PKP4: variants seen among roughly 807,000 people sequenced by gnomAD.
The protein encoded by PKP4 is plakophilin-4.
A neutral mutation model predicts 145.1 loss-of-function variants in PKP4; 90 were observed. The ratio of observed to expected loss-of-function variants is 0.62; its 90% CI spans 0.52 to 0.74. The LOEUF (loss-of-function observed/expected upper bound fraction) is 0.74, where lower values mean the gene tolerates loss of function less well. PKP4 is among the 30% of genes least tolerant of loss of function. The pLI, the probability that PKP4 is intolerant of heterozygous loss-of-function variation, is 0.00. For synonymous variants in PKP4, 563 were observed against 577.2 expected (o/e 0.98, Z 0.35); for missense variants, 1,340 against 1,482.7 (o/e 0.90, Z 1.58).
intron 11 of PKP4, among the ~76,000 whole-genome samples, chr2:158,649,218 C>T (rs1046128177): frequency 2.0e-5 from 3 of 152,044 alleles, no homozygotes; most frequent in Non-Finnish European, 4.4e-5. Context: ...AGATTAGAAA[C>T]CGAAGTCCAG....
At chr2:158,572,599 G>A (rs1360044712) in intron 2 of PKP4, among the ~76,000 whole-genome samples, 1 of 152,222 alleles carries the variant, frequency 6.6e-6, no homozygotes, top group Admixed American at 6.5e-5. Flanking sequence ...GCTAGAACTT[G>A]CCAAAACTAC....
At chr2:158,619,311 T>C (rs1018890601) in intron 4 of PKP4, among the ~76,000 whole-genome samples, 1 of 152,212 alleles carries the variant, frequency 6.6e-6, no homozygotes, top group Non-Finnish European at 1.5e-5. Flanking sequence ...GGAAACCATA[T>C]ACAATCTTTA....
At position 158,496,759 on chromosome 2, in the gene PKP4, C is replaced by CGTGTGTGTGT. The variant is rs58108158; in HGVS notation, c.-5-36394_-5-36385dup. 5.9e-4 allele frequency among the ~76,000 whole-genome samples: 86 copies of CGTGTGTGTGT among 144,956 alleles called. 1 individual carries two copies. Among genetic ancestry groups the CGTGTGTGTGT allele is most frequent in the African/African-American group, 1.9e-3 (76 of 39,508 alleles). On this transcript the variant is annotated intron_variant, in intron 1 of 21. Coordinates refer to ENST00000389759, the MANE Select transcript of PKP4 (RefSeq NM_003628.6). ...CTCACTCTCTCTCGCCTTCTCTCTCCGTGTGTGTGTGTGTGTGTGTGTGTG... is the reference window on the plus strand; with the variant it reads ...CTCACTCTCTCTCGCCTTCTCTCTCCGTGTGTGTGTGTGTGTGTGTGTGTGTGTGTGTGTG...
At chr2:158,590,333 G>GTGTGTA (rs2049154485) in intron 3 of PKP4, among the ~76,000 whole-genome samples, 1 of 148,266 alleles carries the variant, frequency 6.7e-6, no homozygotes, top group Non-Finnish European at 1.5e-5. Flanking sequence ...GTGTGTGTGT[G>GTGTGTA]TGTGTGTGTG....
At chr2:158,467,004 G>A (rs1169959967) in intron 1 of PKP4, among the ~76,000 whole-genome samples, 1 of 152,188 alleles carries the variant, frequency 6.6e-6, no homozygotes, top group Admixed American at 6.5e-5. Context: ...TTACAAAAAT[G>A]CTAAGGGTTA....
chr2:158,590,312 AGTGT>A (rs57003090), intron 3 of PKP4, among the ~76,000 whole-genome samples: 8,007 of 124,100 alleles, frequency 0.065, 252 homozygotes, highest in African/African-American at 0.078. Context: ...GAATGTCTTG[AGTGT>A]GTGTGTGTGT....
chr2:158,500,930 C>T (rs759889660), intron 1 of PKP4, among the ~76,000 whole-genome samples: 18 of 152,116 alleles, frequency 1.2e-4, no homozygotes, highest in Admixed American at 2.0e-4. Flanking sequence ...CCTGCTTTTA[C>T]TCTGCTGCTT....
intron 11 of PKP4, 111 bp downstream of exon 11, chr2:158,642,810 A>G: frequency 2.9e-6 from 2 of 693,112 alleles, no homozygotes; most frequent in Non-Finnish European, 4.8e-6. Context: ...ATAGATAATG[A>G]GATATATATA....
intron 1 of PKP4, among the ~76,000 whole-genome samples, chr2:158,531,955 A>AG (rs2043593055): frequency 6.6e-6 from 1 of 152,222 alleles, no homozygotes; most frequent in South Asian, 2.1e-4. Context: ...AACAACCACC[A>AG]GCAGAAACCT....
At chr2:158,666,370 G>A (rs1205250712) in intron 15 of PKP4, 43 bp from the exon 16 acceptor site, 12 of 1,491,036 alleles carry the variant, frequency 8.0e-6, no homozygotes, top group Non-Finnish European at 1.1e-5. Flanking sequence ...TATGAGACTG[G>A]AACTCTGTTT....
intron 16 of PKP4, chr2:158,669,165 C>T (rs1348421487): frequency 6.6e-6 from 1 of 152,170 alleles, no homozygotes; most frequent in Non-Finnish European, 1.5e-5. Context: ...TAACATGTTG[C>T]CACCGTTGTC....
chr2:158,567,821 T>C (rs1232141820), intron 2 of PKP4, among the ~76,000 whole-genome samples: 1 of 152,040 alleles, frequency 6.6e-6, no homozygotes, highest in African/African-American at 2.4e-5. Context: ...CCTGAAGGAA[T>C]AGTGAGGAAG....
intron 9 of PKP4, among the ~76,000 whole-genome samples, chr2:158,639,824 C>T (rs2054125856): frequency 6.6e-6 from 1 of 152,180 alleles, no homozygotes; most frequent in Non-Finnish European, 1.5e-5. Flanking sequence ...CAGGGTACCG[C>T]TTCGCAGTTT....
chr2:158,524,401 G>A (rs1245579141), intron 1 of PKP4, among the ~76,000 whole-genome samples: 5 of 111,206 alleles, frequency 4.5e-5, no homozygotes, highest in African/African-American at 7.2e-5. Flanking sequence ...AAGTGAAGGA[G>A]AAATAAAATA....
rs115001433 is a variant in PKP4, at chr2:158,468,698, T to C, written c.-6+11480T>C. On this transcript the variant is annotated intron_variant, in intron 1 of 21. Coordinates refer to ENST00000389759, the MANE Select transcript of PKP4 (RefSeq NM_003628.6). ...TTAGGTTGAAGCCAGTAAGCATACC[T>C]GATACTTTAAAAGGTGAGGATTGTT... Among the ~76,000 whole-genome samples the C allele has an allele frequency of 3.2e-3, 488 of 152,000 alleles. 5 individuals are homozygous for C. The highest frequency in any genetic ancestry group is 0.011 in the African/African-American group (458 of 41,478).
intron 11 of PKP4, among the ~76,000 whole-genome samples, chr2:158,649,948 C>A (rs910500583): frequency 3.9e-5 from 6 of 152,226 alleles, no homozygotes; most frequent in Non-Finnish European, 5.9e-5. Context: ...GGTTGAAGAT[C>A]TAGTGCAGTT....
intron 1 of PKP4, among the ~76,000 whole-genome samples, chr2:158,474,527 G>A (rs940598509): frequency 2.0e-5 from 3 of 152,202 alleles, no homozygotes; most frequent in Non-Finnish European, 2.9e-5. Flanking sequence ...GAGATTTTAA[G>A]TGAAGGCAAG....
intron 11 of PKP4, among the ~76,000 whole-genome samples, chr2:158,644,897 T>C (rs1490209459): frequency 6.6e-6 from 1 of 152,106 alleles, no homozygotes; most frequent in Admixed American, 6.6e-5. Flanking sequence ...CCTTTTTTCA[T>C]GCTTGAGATA....
chr2:158,674,180 T>C (rs1390949693), intron 19 of PKP4, among the ~76,000 whole-genome samples, 180 bp downstream of exon 19: 1 of 152,238 alleles, frequency 6.6e-6, no homozygotes, highest in African/African-American at 2.4e-5. Flanking sequence ...TTCTTCCTTT[T>C]TAAAAGTGTA....
Sources: allele counts gnomAD v4.1 joint callset (sites outside exome capture counted in the v4.1 genomes callset), GRCh38; gene constraint gnomAD v4.1.1; transcripts MANE v1.5; gene names NCBI Gene and HGNC (gene_info 2026-07-23, HGNC 2026-07-21).